Variants in ANXA2 observed in about 807,000 individuals in gnomAD.
The protein encoded by ANXA2 is annexin II.
ANXA2 carries 28 observed loss-of-function variants against 47.3 expected under a neutral mutation model. The observed-to-expected ratio is 0.59, with a 90% CI of 0.44 to 0.81. The LOEUF (loss-of-function observed/expected upper bound fraction) is 0.81, where lower values mean the gene tolerates loss of function less well. ANXA2 is among the 40% of genes least tolerant of loss of function. The pLI is 0.00. For missense variants in ANXA2, 384 were observed against 414.3 expected (o/e 0.93, Z 0.64); for synonymous variants, 172 against 155.5 (o/e 1.11, Z -0.79).
Position 60,347,592 on chromosome 15 carries a change from G to A in ANXA2, c.*38C>T. Reference sequence around the variant, plus strand: ...TCTAGACCTGTTAGCTGGAAGCATGGTGAGCACCATTTCTGGACGCTCAGG... The same window carrying A: ...TCTAGACCTGTTAGCTGGAAGCATGATGAGCACCATTTCTGGACGCTCAGG... On this transcript the variant is annotated 3_prime_UTR_variant, in exon 13 of 13. Transcript: ENST00000451270. The A allele has an allele frequency of 6.2e-7, 1 of 1,603,752 alleles. No homozygotes were observed. The highest frequency in any genetic ancestry group is 8.5e-7 in the Non-Finnish European group (1 of 1,170,680).
rs1054270670 is a variant in ANXA2 at position 60,352,044 on chromosome 15, G to A, written c.683-225C>T. On this transcript the variant is annotated intron_variant, in intron 9 of 12. Transcript: ENST00000451270. The surrounding 1 kb of genome is among the most constrained non-coding windows in gnomAD (Gnocchi z 4.2). ...TGGCACTGCCCAGGCCACATATTTG[G>A]ACCATCTCTATCTCCCCTGAGTGGA... 1.3e-5 allele frequency among the ~76,000 whole-genome samples: 2 copies of A among 152,042 alleles called. No homozygotes were observed. Among genetic ancestry groups the A allele is most frequent in the African/African-American group, 2.4e-5 (1 of 41,374 alleles).
At chr15:60,369,310 GCT>G (rs1246578235) in intron 3 of ANXA2, among the ~76,000 whole-genome samples, 2 of 152,152 alleles carry the variant, frequency 1.3e-5, no homozygotes, top group Non-Finnish European at 2.9e-5. Flanking sequence ...TTGCTCCCTT[GCT>G]CTGTCTCTCA....
At chr15:60,384,864 A>G (rs73418027) in intron 2 of ANXA2, 4 of 152,368 alleles carry the variant, frequency 2.6e-5, no homozygotes, top group African/African-American at 9.6e-5. Flanking sequence ...TTTAATTTCA[A>G]TCAAAGAATA....
At chr15:60,375,054 A>G (rs1053641605) in intron 3 of ANXA2, among the ~76,000 whole-genome samples, 9 of 152,240 alleles carry the variant, frequency 5.9e-5, no homozygotes, top group Non-Finnish European at 1.3e-4. Context: ...TGCTCAGCCA[A>G]ATGAATATAC....
rs774410888 is a variant in ANXA2 at position 60,364,452 on chromosome 15, C to G, written c.220G>C (p.Ala74Pro). Residue 74 changes from alanine to proline, a missense_variant, in exon 4 of 13, where the codon GCC becomes CCC. Transcript: ENST00000451270. ...ACCTTTTTGGTCCTTCTCTGGTAGG[C>G]GAAGGCAATATCCTGTCTCTGTGCA... ...SNAQRQDIAFAYQRRTKKELA... is the reference protein window; with the variant it reads ...SNAQRQDIAFPYQRRTKKELA... 2.5e-6 allele frequency: 4 copies of G among 1,612,394 alleles called. No homozygotes were observed. The highest frequency in any genetic ancestry group is 3.4e-6 in the Non-Finnish European group (4 of 1,179,574).
rs781239402 is a variant in ANXA2 at position 60,397,960 on chromosome 15, A to G, written c.-29T>C. On this transcript the variant is annotated 5_prime_UTR_variant, in exon 1 of 13. Coordinates refer to ENST00000451270, the MANE Select transcript of ANXA2 (RefSeq NM_004039.3). The stretch of plus-strand genomic sequence containing the variant: ...CCGCTTACCTGGGCCGTGCGCCGAG[A>G]GCTGAGAGCGTCCCCAAATGCTGAG... The G allele has an allele frequency of 2.4e-6, 3 of 1,270,024 alleles. No homozygotes were observed. Among genetic ancestry groups the G allele is most frequent in the Admixed American group, 4.2e-5 (1 of 24,006 alleles). 78.7% of individuals were successfully genotyped at this position (1,270,024 alleles called of 1,614,324 possible).
chr15:60,356,073 C>T, intron 6 of ANXA2, 75 bp from the exon 7 acceptor site: 2 of 1,135,772 alleles, frequency 1.8e-6, no homozygotes, highest in Non-Finnish European at 2.7e-6. Flanking sequence ...CCCCATTTCC[C>T]ACTAAGACTC....
At chr15:60,385,854 T>C in intron 2 of ANXA2, 174 bp downstream of exon 2, 1 of 533,996 alleles carries the variant, frequency 1.9e-6, no homozygotes, top group Non-Finnish European at 3.4e-6. Context: ...CCATGATATT[T>C]CCTTCAAATT....
At chr15:60,353,322 G>C (rs934338619) in intron 8 of ANXA2, among the ~76,000 whole-genome samples, 3 of 152,052 alleles carry the variant, frequency 2.0e-5, no homozygotes, top group African/African-American at 7.2e-5. Flanking sequence ...GAAAAGGACA[G>C]GTCTCTGCTG....
intron 3 of ANXA2, among the ~76,000 whole-genome samples, chr15:60,381,390 T>A (rs973703324): frequency 2.6e-5 from 4 of 152,000 alleles, no homozygotes; most frequent in Non-Finnish European, 4.4e-5. Context: ...AAGTGGAGAA[T>A]CACAAAAGTC....
In ANXA2 at chr15:60,352,583, G is replaced by A. The variant is rs182967406; in HGVS notation, c.589-107C>T. On this transcript the variant is annotated intron_variant, in intron 8 of 12. Transcript: ENST00000451270. This position sits in a 1 kb window ranked among gnomAD's most constrained non-coding sequence, Gnocchi z 4.2. ...AAGCTACACATTCAAAATGCCAAAC[G>A]AGGAAAGATGATTATACTGCAGACA... 6.7e-5 allele frequency: 51 copies of A among 765,984 alleles called. No individual in the cohort carries two copies. The highest frequency in any genetic ancestry group is 1.1e-4 in the Non-Finnish European group (50 of 451,078). The allele number at this position is 765,984 out of a possible 1,614,324, so 47.4% of individuals were successfully genotyped here.
In ANXA2 at chr15:60,347,485, G is replaced by C. The variant is rs11553798; in HGVS notation, c.*145C>G. 5.7e-6 allele frequency: 4 copies of C among 706,706 alleles called. No homozygotes were observed. The highest frequency in any genetic ancestry group is 9.7e-6 in the Non-Finnish European group (4 of 412,518). The allele number at this position is 706,706 out of a possible 1,614,324, so 43.8% of individuals were successfully genotyped here. A position where few individuals can be genotyped will look rare whatever the true frequency, so the allele number is the denominator to read the frequency against. On this transcript the variant is annotated 3_prime_UTR_variant, in exon 13 of 13. Transcript: ENST00000451270. Reference sequence around the variant, plus strand: ...AGACAGGAAGGCCAGGCAATGCTTAGGCAACTAAAATGAGGTTGGGGGTAA... The same window carrying C: ...AGACAGGAAGGCCAGGCAATGCTTACGCAACTAAAATGAGGTTGGGGGTAA...
At chr15:60,367,592 G>A (rs1450802994) in intron 3 of ANXA2, among the ~76,000 whole-genome samples, 1 of 68,616 alleles carries the variant, frequency 1.5e-5, no homozygotes, top group Non-Finnish European at 2.8e-5. Flanking sequence ...CCGGCCAGCC[G>A]CCCTATCCAG....
intron 1 of ANXA2, among the ~76,000 whole-genome samples, chr15:60,387,847 CT>C (rs1473211889): frequency 6.6e-6 from 1 of 152,104 alleles, no homozygotes; most frequent in Non-Finnish European, 1.5e-5. Context: ...CATGGGCATT[CT>C]TTGTATTTTC....
rs995691919 is a variant in ANXA2, at chr15:60,393,131, C to T, written c.-12+4812G>A. The T allele has an allele frequency of 7.0e-6, 9 of 1,283,012 alleles. No individual in the cohort carries two copies. The African/African-American group carries it at 9.2e-5, about 13-fold the overall frequency. 79.5% of individuals were successfully genotyped at this position (1,283,012 alleles called of 1,614,324 possible). A position where few individuals can be genotyped will look rare whatever the true frequency, so the allele number is the denominator to read the frequency against. ...CTCATTCCCCAGAATTCCTGGAATT[C>T]GGCCCAGTGACCTCGATCAAACTGA... On this transcript the variant is annotated intron_variant, in intron 1 of 12. Coordinates refer to ENST00000451270, the MANE Select transcript of ANXA2 (RefSeq NM_004039.3).
rs975697573 is a variant in ANXA2 at position 60,352,181 on chromosome 15, A to G, written c.682+202T>C. On this transcript the variant is annotated intron_variant, in intron 9 of 12. Coordinates refer to ENST00000451270, the MANE Select transcript of ANXA2 (RefSeq NM_004039.3). This position sits in a 1 kb window ranked among gnomAD's most constrained non-coding sequence, Gnocchi z 4.2. ...TCATCAAACAAGAAGGAGCTGCAGA[A>G]TAAAGCACCAAATGCAGAAACTATT... Among the ~76,000 whole-genome samples the G allele has an allele frequency of 1.1e-4, 17 of 152,264 alleles. No individual in the cohort carries two copies. Among genetic ancestry groups the G allele is most frequent in the Admixed American group, 8.5e-4 (13 of 15,286 alleles).
In ANXA2 at chr15:60,354,022, G is replaced by A. The variant is rs867629485; in HGVS notation, c.588+132C>T. On this transcript the variant is annotated intron_variant, in intron 8 of 12. Coordinates refer to ENST00000451270, the MANE Select transcript of ANXA2 (RefSeq NM_004039.3). The stretch of plus-strand genomic sequence containing the variant: ...TCAATTCCTGACACACAGAAACTGA[G>A]AAATAATACATGTTTGTTGTTTTAA... 64 of 650,956 alleles carry A rather than the reference G, an allele frequency of 9.8e-5. 1 individual carries two copies. In the African/African-American group the frequency reaches 1.0e-3, roughly 11 times the overall value. 40.3% of individuals were successfully genotyped at this position (650,956 alleles called of 1,614,324 possible).
rs916164686 is a variant in ANXA2 at position 60,386,373 on chromosome 15, T to C, written c.-11-287A>G. The C allele has an allele frequency of 3.6e-5, 12 of 331,290 alleles. No individual in the cohort carries two copies. The Admixed American group carries it at 3.6e-4, about 10-fold the overall frequency. The allele number at this position is 331,290 out of a possible 1,614,324, so 20.5% of individuals were successfully genotyped here. On this transcript the variant is annotated intron_variant, in intron 1 of 12. Transcript: ENST00000451270. ...GAATGCAAAAACAAAATGTTCCCCA[T>C]GGCTAATGCAACCTGTTCAGACAGG...
intron 3 of ANXA2, among the ~76,000 whole-genome samples, chr15:60,364,992 G>T (rs1363833176): frequency 9.3e-6 from 1 of 107,720 alleles, no homozygotes; most frequent in African/African-American, 3.3e-5. Flanking sequence ...AAGCAGCTAG[G>T]TATAATTTCT....
Sources: allele counts gnomAD v4.1 joint callset (sites outside exome capture counted in the v4.1 genomes callset), GRCh38; gene constraint gnomAD v4.1.1; non-coding constraint Gnocchi (gnomAD v3.1); transcripts MANE v1.5; gene names NCBI Gene and HGNC (gene_info 2026-07-23, HGNC 2026-07-21).